Variants in SPAG16 observed in about 807,000 individuals in gnomAD.
The protein encoded by SPAG16 is sperm-associated antigen 16 protein.
SPAG16 carries 86 observed loss-of-function variants against 80.4 expected under a neutral mutation model. The observed-to-expected ratio is 1.07, with a 90% CI of 0.90 to 1.28. The LOEUF is 1.28. Among genes scored for constraint, SPAG16 ranks in the 50% most tolerant of loss-of-function variants. The pLI is 0.00. For synonymous variants in SPAG16, 294 were observed against 265.9 expected (o/e 1.11, Z -1.03); for missense variants, 870 against 765.3 (o/e 1.14, Z -1.61).
At chr2:213,504,976 CT>C (rs2074909077) in intron 10 of SPAG16, among the ~76,000 whole-genome samples, 1 of 152,256 alleles carries the variant, frequency 6.6e-6, no homozygotes, top group South Asian at 2.1e-4. Context: ...GTCTCACAGT[CT>C]TTCCCCCTCA....
intron 10 of SPAG16, among the ~76,000 whole-genome samples, chr2:213,680,956 C>T (rs1225215904): frequency 6.6e-6 from 1 of 152,082 alleles, no homozygotes; most frequent in Non-Finnish European, 1.5e-5. Context: ...GAACTAGGAT[C>T]AATGGAAAGG....
chr2:214,265,149 C>T (rs1274748829), intron 15 of SPAG16, among the ~76,000 whole-genome samples: 3 of 152,028 alleles, frequency 2.0e-5, no homozygotes, highest in African/African-American at 4.8e-5. Context: ...CATATGGTAA[C>T]AGTATGTTAA....
intron 13 of SPAG16, among the ~76,000 whole-genome samples, chr2:214,040,070 A>G (rs2048925821): frequency 6.6e-6 from 1 of 152,180 alleles, no homozygotes; most frequent in African/African-American, 2.4e-5. Context: ...AAAAAACCTG[A>G]AAAGATATCT....
intron 12 of SPAG16, among the ~76,000 whole-genome samples, chr2:213,937,702 T>C (rs1200004646): frequency 6.6e-6 from 1 of 151,968 alleles, no homozygotes; most frequent in Non-Finnish European, 1.5e-5. Flanking sequence ...TCAAGAAATA[T>C]CTACCTTATG....
intron 15 of SPAG16, among the ~76,000 whole-genome samples, chr2:214,332,756 T>C (rs1240360515): frequency 6.6e-6 from 1 of 152,112 alleles, no homozygotes; most frequent in East Asian, 1.9e-4. Flanking sequence ...GTGACTCTAA[T>C]CTCCAAAAAT....
At chr2:214,328,164 T>C (rs1283243146) in intron 15 of SPAG16, among the ~76,000 whole-genome samples, 1 of 152,060 alleles carries the variant, frequency 6.6e-6, no homozygotes, top group South Asian at 2.1e-4. Context: ...TTTTTTTTTT[T>C]TCCTTTTTTG....
Position 213,973,520 on chromosome 2 carries a change from G to T in SPAG16, c.1401-40431G>T, listed in dbSNP as rs538694090. On this transcript the variant is annotated intron_variant, in intron 12 of 15. Transcript: ENST00000331683. The stretch of plus-strand genomic sequence containing the variant: ...GCTCCTTCCAGAACCAGAGGCCAGG[G>T]TTCCATGCTGAGAACACCGGTTAAC... 3.3e-5 allele frequency among the ~76,000 whole-genome samples: 5 copies of T among 152,152 alleles called. No homozygotes were observed. The South Asian group carries it at 6.2e-4, about 19-fold the overall frequency.
intron 14 of SPAG16, among the ~76,000 whole-genome samples, chr2:214,121,610 A>G (rs10932525): frequency 0.2 from 30,693 of 151,762 alleles, 3,729 homozygotes; most frequent in Non-Finnish European, 0.28. Context: ...TAGTAACTAG[A>G]AGATGGTACT....
intron 15 of SPAG16, among the ~76,000 whole-genome samples, chr2:214,393,254 T>C (rs1288733985): frequency 6.6e-6 from 1 of 152,188 alleles, no homozygotes; most frequent in African/African-American, 2.4e-5. Context: ...TTGTTTTGGT[T>C]GAATGTTACA....
intron 12 of SPAG16, among the ~76,000 whole-genome samples, chr2:213,996,385 T>C (rs1228048076): frequency 6.6e-6 from 1 of 152,156 alleles, no homozygotes; most frequent in African/African-American, 2.4e-5. Context: ...TAAGACATAT[T>C]TGATGTATTA....
At chr2:213,713,571 C>T (rs1341123181) in intron 10 of SPAG16, among the ~76,000 whole-genome samples, 1 of 152,152 alleles carries the variant, frequency 6.6e-6, no homozygotes, top group African/African-American at 2.4e-5. Flanking sequence ...CACTTTAGGG[C>T]GTCAATGACA....
At chr2:213,924,805 A>G (rs1271356938) in intron 11 of SPAG16, among the ~76,000 whole-genome samples, 1 of 151,938 alleles carries the variant, frequency 6.6e-6, no homozygotes, top group Non-Finnish European at 1.5e-5. Flanking sequence ...ACTTTAGTCT[A>G]TTTGTGTTTG....
chr2:213,431,675 C>T (rs111392448), intron 9 of SPAG16, among the ~76,000 whole-genome samples: 3,540 of 152,066 alleles, frequency 0.023, 57 homozygotes, highest in South Asian at 0.038. Context: ...ACCCTACGGA[C>T]ACACTATAAA....
At chr2:214,204,961 G>A (rs998890975) in intron 15 of SPAG16, among the ~76,000 whole-genome samples, 3 of 152,144 alleles carry the variant, frequency 2.0e-5, no homozygotes, top group African/African-American at 7.2e-5. Context: ...GGGCACAGTG[G>A]CTCATGCCTG....
At chr2:213,436,869 A>T (rs999984766) in intron 9 of SPAG16, among the ~76,000 whole-genome samples, 1 of 151,868 alleles carries the variant, frequency 6.6e-6, no homozygotes, top group African/African-American at 2.4e-5. Context: ...CAGTGTTTTA[A>T]TTCTCAGTAT....
In SPAG16 at chr2:214,409,654, T is replaced by G. The variant is rs535511358; in HGVS notation, c.1721-486T>G. On this transcript the variant is annotated intron_variant, in intron 15 of 15. Transcript: ENST00000331683. The stretch of plus-strand genomic sequence containing the variant: ...GTTGAGTTCATGAGTATCACAATTT[T>G]TAAAGCAGGAATGTATATTGAGTTG... 4.6e-5 allele frequency among the ~76,000 whole-genome samples: 7 copies of G among 152,298 alleles called. 1 individual carries two copies. Among genetic ancestry groups the G allele is most frequent in the African/African-American group, 1.7e-4 (7 of 41,588 alleles).
chr2:213,638,799 T>C (rs1246837201), intron 10 of SPAG16, among the ~76,000 whole-genome samples: 1 of 152,212 alleles, frequency 6.6e-6, no homozygotes, highest in Admixed American at 6.5e-5. Flanking sequence ...GTTTATTTGT[T>C]AACTTTCTGT....
At chr2:213,435,275 A>G (rs914050435) in intron 9 of SPAG16, among the ~76,000 whole-genome samples, 4 of 152,222 alleles carry the variant, frequency 2.6e-5, no homozygotes, top group African/African-American at 9.6e-5. Context: ...AGGTGAAACA[A>G]TGCAGAAACA....
chr2:213,397,307 G>A (rs1036582116), intron 9 of SPAG16, among the ~76,000 whole-genome samples: 1 of 152,112 alleles, frequency 6.6e-6, no homozygotes. Context: ...ACCTTTAAGG[G>A]TAACTGTTCT....
Sources: allele counts gnomAD v4.1 joint callset (sites outside exome capture counted in the v4.1 genomes callset), GRCh38; gene constraint gnomAD v4.1.1; transcripts MANE v1.5; gene names NCBI Gene and HGNC (gene_info 2026-07-23, HGNC 2026-07-21).